The following WDFY3 variants were observed in gnomAD, a reference collection of about 807,000 sequenced individuals.
WDFY3 encodes WD repeat and FYVE domain containing 3, also known as WD repeat and FYVE domain-containing protein 3.
In WDFY3, 66 loss-of-function variants were observed where a neutral mutation model predicts 409.6. The observed-to-expected ratio is 0.16, with a 90% confidence interval of 0.13 to 0.20. The LOEUF (loss-of-function observed/expected upper bound fraction) is 0.20, where lower values mean the gene tolerates loss of function less well. WDFY3 is among the 10% of genes least tolerant of loss of function. WDFY3 has a pLI of 1.00. For missense variants in WDFY3, 3,031 were observed against 4,298.1 expected (o/e 0.71, Z 8.24); for synonymous variants, 1,521 against 1,537.1 (o/e 0.99, Z 0.25).
At chr4:84,890,369 G>C (rs1021421623) in intron 3 of WDFY3, among the ~76,000 whole-genome samples, 2 of 152,172 alleles carry the variant, frequency 1.3e-5, no homozygotes, top group Non-Finnish European at 2.9e-5. Flanking sequence ...CAAAGTGCTG[G>C]GATTACAGGT....
intron 2 of WDFY3, among the ~76,000 whole-genome samples, chr4:84,919,564 C>T (rs924369598): frequency 1.1e-4 from 17 of 152,222 alleles, no homozygotes; most frequent in African/African-American, 3.9e-4. Flanking sequence ...ATGGGAGGGA[C>T]CTGGTGGGAG....
intron 10 of WDFY3, among the ~76,000 whole-genome samples, chr4:84,824,618 A>T (rs1214916854): frequency 6.6e-6 from 1 of 152,192 alleles, no homozygotes; most frequent in Admixed American, 6.5e-5. Context: ...CTGCAAGGAG[A>T]ACAAGGAAAC....
chr4:84,751,600 A>G lies in WDFY3; in HGVS notation c.5856T>C (p.Tyr1952=), dbSNP rs1740528919. ...SEYCNVGTKT[Y]LTNHPAKKFV... ...ACTTTTTAGCCGGGTGATTGGTCAG[A>G]TATGTCTTGGTGCCCACATTGCAGT... is the stretch of plus-strand genomic sequence containing the variant. The change falls in exon 36 of 68, where the codon TAT becomes TAC. Residue 1952 remains tyrosine, a synonymous_variant. Coordinates refer to ENST00000295888, the MANE Select transcript of WDFY3 (RefSeq NM_014991.6). 6.2e-7 allele frequency: 1 copy of G among 1,614,190 alleles called. No individual in the cohort carries two copies. The highest frequency in any genetic ancestry group is 8.5e-7 in the Non-Finnish European group (1 of 1,180,034).
At chr4:84,947,305 G>A (rs1164978171) in intron 1 of WDFY3, among the ~76,000 whole-genome samples, 1 of 148,880 alleles carries the variant, frequency 6.7e-6, no homozygotes, top group Non-Finnish European at 1.5e-5. Context: ...GAGGTCAGGA[G>A]ATGGAGACCA....
chr4:84,905,093 T>C (rs1306859071), intron 2 of WDFY3, among the ~76,000 whole-genome samples: 1 of 152,196 alleles, frequency 6.6e-6, no homozygotes, highest in Non-Finnish European at 1.5e-5. Flanking sequence ...CTCAGCACTT[T>C]GGGAGGCCAA....
At chr4:84,704,524 A>T (rs1014081317) in intron 54 of WDFY3, 80 bp from the exon 55 acceptor site, 32 of 1,167,402 alleles carry the variant, frequency 2.7e-5, no homozygotes, top group Middle Eastern at 2.2e-4. Context: ...TATGCTTGAA[A>T]ATGCTAGCCT....
intron 11 of WDFY3, among the ~76,000 whole-genome samples, chr4:84,820,771 C>G (rs1007795638): frequency 6.6e-6 from 1 of 152,004 alleles, no homozygotes; most frequent in Non-Finnish European, 1.5e-5. Flanking sequence ...TTTTCAGAAG[C>G]TTTTAAAGCT....
At chr4:84,867,491 G>T (rs1761550250) in intron 3 of WDFY3, among the ~76,000 whole-genome samples, 1 of 152,108 alleles carries the variant, frequency 6.6e-6, no homozygotes, top group African/African-American at 2.4e-5. Context: ...CCCTATTTGG[G>T]TTCATAAGAA....
chr4:84,716,996 G>A lies in WDFY3; in HGVS notation c.7775C>T (p.Pro2592Leu). The A allele has an allele frequency of 6.2e-7, 1 of 1,605,852 alleles. No individual in the cohort carries two copies. Among genetic ancestry groups the A allele is most frequent in the Non-Finnish European group, 8.5e-7 (1 of 1,176,054 alleles). The change falls in exon 49 of 68, where the codon CCT (proline) becomes CTT (leucine). Residue 2592 changes from proline to leucine, a missense_variant. Physicochemically the swap from Pro to Leu is moderately conservative, Grantham distance 98 (BLOSUM62 -3). Around this residue, in one of 16 missense-constraint regions of WDFY3, gnomAD observed 40 missense variants for 54.2 expected, o/e 0.74. Coordinates refer to ENST00000295888, the MANE Select transcript of WDFY3 (RefSeq NM_014991.6). ...ACTAGGGCCTTGCCTGGCTCCTCTA[G>A]GAATAATAGGCTCATGCATACTACA... is the stretch of plus-strand genomic sequence containing the variant. ...LPPNMHEPII[P>L]RGARQGPSQL...
intron 7 of WDFY3, among the ~76,000 whole-genome samples, chr4:84,834,493 A>AC (rs1470143769): frequency 6.6e-5 from 10 of 151,450 alleles, no homozygotes; most frequent in South Asian, 4.2e-4. Flanking sequence ...CTAAAAACAA[A>AC]AAAAAAAAAC....
intron 36 of WDFY3, among the ~76,000 whole-genome samples, chr4:84,747,885 ATTTTTATAAAT>A (rs941133837): frequency 3.3e-5 from 5 of 151,610 alleles, no homozygotes; most frequent in Non-Finnish European, 4.4e-5. Context: ...ATAAATTTTT[ATTTTTATAAAT>A]TTATAAAATT....
chr4:84,830,025 T>G (rs1459882090), intron 8 of WDFY3, among the ~76,000 whole-genome samples: 1 of 152,110 alleles, frequency 6.6e-6, no homozygotes, highest in East Asian at 1.9e-4. Context: ...GGTATGTATT[T>G]GTATAAAGAA....
chr4:84,951,430 A>G (rs1052397963), intron 1 of WDFY3, among the ~76,000 whole-genome samples: 1 of 152,212 alleles, frequency 6.6e-6, no homozygotes, highest in Non-Finnish European at 1.5e-5. Context: ...TTACTTTACC[A>G]TCTTTAAAAA....
At chr4:84,791,589 A>T in intron 21 of WDFY3, among the ~76,000 whole-genome samples, 1 of 152,228 alleles carries the variant, frequency 6.6e-6, no homozygotes, top group East Asian at 1.9e-4. Context: ...AGTATGGGTT[A>T]GAAAAAGAAC....
intron 43 of WDFY3, among the ~76,000 whole-genome samples, chr4:84,734,340 A>T (rs141106028): frequency 7.2e-5 from 11 of 152,326 alleles, no homozygotes; most frequent in African/African-American, 2.4e-4. Context: ...AAAAATAAAG[A>T]TTTCTAAAAT....
chr4:84,685,804 C>G (rs1728210987), intron 62 of WDFY3, among the ~76,000 whole-genome samples: 1 of 152,158 alleles, frequency 6.6e-6, no homozygotes, highest in Admixed American at 6.5e-5. Context: ...GTATTTGCAG[C>G]AAATATTGCA....
At chr4:84,871,850 G>A (rs537080456) in intron 3 of WDFY3, among the ~76,000 whole-genome samples, 2 of 152,236 alleles carry the variant, frequency 1.3e-5, no homozygotes, top group Admixed American at 1.3e-4. Flanking sequence ...TCCCAGGCTA[G>A]TCTCAAACTC....
intron 10 of WDFY3, among the ~76,000 whole-genome samples, 173 bp downstream of exon 10, chr4:84,826,637 CTAGAT>C (rs1465185573): frequency 4.0e-5 from 6 of 151,344 alleles, no homozygotes; most frequent in Non-Finnish European, 7.4e-5. Context: ...ATTTGATCTG[CTAGAT>C]TAAAGGTTAT....
chr4:84,721,347 A>C (rs1464913428), intron 47 of WDFY3, 62 bp downstream of exon 47: 1 of 1,585,060 alleles, frequency 6.3e-7, no homozygotes, highest in Non-Finnish European at 8.6e-7. Flanking sequence ...CTATCAACTC[A>C]TCTTGTCTTA....
Sources: gnomAD v4.1 joint callset for allele counts (sites outside exome capture counted in the v4.1 genomes callset) on GRCh38, gnomAD v4.1.1 for gene constraint, gnomAD v4.1.1 regional missense constraint, MANE v1.5 for transcripts, NCBI Gene and HGNC (gene_info 2026-07-23, HGNC 2026-07-21) for gene names.